Variants in COL5A2 observed in about 807,000 individuals in gnomAD.
COL5A2 encodes the protein collagen alpha-2(V) chain.
A neutral mutation model predicts 208.2 loss-of-function variants in COL5A2; 23 were observed. The ratio of observed to expected loss-of-function variants is 0.11; its 90% confidence interval spans 0.08 to 0.16. COL5A2 has a LOEUF of 0.16. Ranked by LOEUF, COL5A2 falls within the 10% of genes least tolerant of loss-of-function variation. COL5A2 has a pLI of 1.00. For missense variants in COL5A2, 1,590 were observed against 1,956.4 expected (o/e 0.81, Z 3.53); for synonymous variants, 625 against 628.5 (o/e 0.99, Z 0.08).
At position 189,068,391 on chromosome 2, in the gene COL5A2, C is replaced by T. The variant is rs1034371203; in HGVS notation, c.1258-121G>A. ...GTAGAAGCATTTTTTAAAAATCAAC[C>T]ACCATTATATCATAAAAATTACTTT... On this transcript the variant is annotated intron_variant, in intron 19 of 53. Coordinates refer to ENST00000374866, the MANE Select transcript of COL5A2 (RefSeq NM_000393.5). 5 of 865,416 alleles carry T rather than the reference C, an allele frequency of 5.8e-6. 1 individual carries two copies. In the East Asian group the frequency reaches 1.0e-4, roughly 18 times the overall value. 53.6% of individuals were successfully genotyped at this position (865,416 alleles called of 1,614,324 possible).
the COL5A2 span, among the ~76,000 whole-genome samples, chr2:189,340,565 A>G: frequency 6.6e-5 from 10 of 152,300 alleles, no homozygotes; most frequent in East Asian, 1.9e-3. Flanking sequence ...AGCTCTTTTT[A>G]AGGTCTACAT....
At chr2:189,148,416 G>A (rs1370257678) in intron 1 of COL5A2, among the ~76,000 whole-genome samples, 7 of 152,092 alleles carry the variant, frequency 4.6e-5, no homozygotes, top group Non-Finnish European at 1.0e-4. Context: ...CCCAAGGGAG[G>A]TAAGAACTCT....
chr2:189,429,133 A>T, the COL5A2 span, among the ~76,000 whole-genome samples: 1 of 152,196 alleles, frequency 6.6e-6, no homozygotes, highest in African/African-American at 2.4e-5. Flanking sequence ...AAAAATGATA[A>T]CCATGTGAGT....
At chr2:189,415,863 T>C in the COL5A2 span, among the ~76,000 whole-genome samples, 1 of 152,250 alleles carries the variant, frequency 6.6e-6, no homozygotes, top group South Asian at 2.1e-4. Flanking sequence ...GGTTTCATCG[T>C]GTTAGCCAGG....
chr2:189,349,590 A>C, the COL5A2 span, among the ~76,000 whole-genome samples: 43 of 152,310 alleles, frequency 2.8e-4, no homozygotes, highest in Non-Finnish European at 5.3e-4. Context: ...TCCTGTTGAA[A>C]AATATTTTTT....
chr2:189,386,537 A>T, the COL5A2 span, among the ~76,000 whole-genome samples: 1 of 152,198 alleles, frequency 6.6e-6, no homozygotes, highest in Admixed American at 6.5e-5. Context: ...AAGAAATTAA[A>T]CAGACAGCTT....
At chr2:189,332,291 C>T in the COL5A2 span, among the ~76,000 whole-genome samples, 2 of 152,152 alleles carry the variant, frequency 1.3e-5, no homozygotes, top group African/African-American at 4.8e-5. Context: ...ACCAACTTGA[C>T]CTACTCGGCA....
chr2:189,319,883 C>A, the COL5A2 span, among the ~76,000 whole-genome samples: 1 of 152,210 alleles, frequency 6.6e-6, no homozygotes, highest in Non-Finnish European at 1.5e-5. Context: ...GGGTCCCTGA[C>A]CCCCAGGTAG....
intron 5 of COL5A2, among the ~76,000 whole-genome samples, chr2:189,098,082 A>G (rs1686959958): frequency 6.6e-6 from 1 of 150,774 alleles, no homozygotes; most frequent in African/African-American, 2.4e-5. Context: ...GTTTCTCTTT[A>G]AAAGAGGATT....
chr2:189,059,588 T>TTTTTTTTTTTTTTTTTTTTTG (rs1685981966), intron 31 of COL5A2, among the ~76,000 whole-genome samples: 1 of 86,588 alleles, frequency 1.2e-5, no homozygotes, highest in Non-Finnish European at 2.4e-5. Flanking sequence ...TTTTCTGGTT[T>TTTTTTTTTTTTTTTTTTTTTG]TTTTTTTTTT....
At position 189,065,026 on chromosome 2, in the gene COL5A2, G is replaced by T. The variant is rs554813305; in HGVS notation, c.1595C>A (p.Ser532Tyr). 1 of 1,613,840 alleles carries T rather than the reference G, an allele frequency of 6.2e-7. No individual in the cohort carries two copies. Among genetic ancestry groups the T allele is most frequent in the East Asian group, 2.2e-5 (1 of 44,856 alleles). Reference protein sequence around the residue: ...GAPGNRGFPGSDGLPGPKGAQ... With the variant: ...GAPGNRGFPGYDGLPGPKGAQ... ...CACCTTTGGCCCAGGTAAACCATCA[G>T]AGCCTGGAAAACCACGATTGCCAGG... The change falls in exon 24 of 54, where the codon TCT becomes TAT. Residue 532 changes from serine to tyrosine, a missense_variant. Coordinates refer to ENST00000374866, the MANE Select transcript of COL5A2 (RefSeq NM_000393.5).
chr2:189,140,730 G>T (rs1459231359), intron 1 of COL5A2, among the ~76,000 whole-genome samples: 2 of 151,852 alleles, frequency 1.3e-5, no homozygotes, highest in African/African-American at 4.8e-5. Flanking sequence ...TGTATACTAA[G>T]AAAAATAGTT....
At chr2:189,323,799 T>C in the COL5A2 span, among the ~76,000 whole-genome samples, 4 of 152,198 alleles carry the variant, frequency 2.6e-5, no homozygotes, top group Admixed American at 6.5e-5. Flanking sequence ...AATGCCTTTC[T>C]TCACAGAATT....
chr2:189,111,520 GCTAT>G (rs923305898), intron 1 of COL5A2, among the ~76,000 whole-genome samples: 4 of 151,934 alleles, frequency 2.6e-5, no homozygotes, highest in Admixed American at 1.3e-4. Context: ...GGCCCACATG[GCTAT>G]CTATCATTAC....
intron 1 of COL5A2, among the ~76,000 whole-genome samples, chr2:189,158,897 T>C (rs568676567): frequency 1.3e-5 from 2 of 152,290 alleles, no homozygotes; most frequent in African/African-American, 2.4e-5. Context: ...ATTTTGCAAC[T>C]AAATTTGAAA....
chr2:189,063,147 C>A (rs372164887), intron 27 of COL5A2, 25 bp downstream of exon 27: 8 of 1,611,444 alleles, frequency 5.0e-6, no homozygotes, highest in Non-Finnish European at 6.8e-6. Flanking sequence ...GATGAGGTGG[C>A]CAACATATTA....
At chr2:189,338,771 C>A in the COL5A2 span, among the ~76,000 whole-genome samples, 8 of 150,064 alleles carry the variant, frequency 5.3e-5, no homozygotes, top group Non-Finnish European at 8.9e-5. Flanking sequence ...TTAACATTAT[C>A]CCAGTAAAAG....
chr2:189,345,323 G>C, the COL5A2 span, among the ~76,000 whole-genome samples: 5 of 152,182 alleles, frequency 3.3e-5, no homozygotes, highest in Non-Finnish European at 7.3e-5. Flanking sequence ...CTTTCCAGCA[G>C]GCAGCTGGAC....
At chr2:189,382,506 A>T in the COL5A2 span, among the ~76,000 whole-genome samples, 1 of 152,228 alleles carries the variant, frequency 6.6e-6, no homozygotes, top group Non-Finnish European at 1.5e-5. Flanking sequence ...CTATTTATGG[A>T]AGTTTTTCTA....
Sources: allele counts gnomAD v4.1 joint callset (sites outside exome capture counted in the v4.1 genomes callset), GRCh38; gene constraint gnomAD v4.1.1; transcripts MANE v1.5; gene names NCBI Gene and HGNC (gene_info 2026-07-23, HGNC 2026-07-21).